Variants in COPA observed in about 807,000 individuals in gnomAD.
COPA encodes the protein coatomer subunit alpha.
Under a neutral mutation model 158.7 loss-of-function variants are expected in COPA, and 10 were observed. The observed-to-expected ratio is 0.06, with a 90% CI of 0.04 to 0.11. The LOEUF is 0.11. COPA is among the 10% of genes least tolerant of loss of function. The pLI is 1.00. For missense variants in COPA, 1,065 were observed against 1,536.7 expected (o/e 0.69, Z 5.13); for synonymous variants, 462 against 542.8 (o/e 0.85, Z 2.07).
At chr1:160,307,322 G>A in intron 13 of COPA, 77 bp from the exon 14 acceptor site, 2 of 1,364,348 alleles carry the variant, frequency 1.5e-6, no homozygotes, top group Non-Finnish European at 1.0e-6. Context: ...CCATGGAGCT[G>A]CCAGTCTTGC....
chr1:160,318,484 A>AC (rs1557870041), intron 8 of COPA, among the ~76,000 whole-genome samples: 5 of 68,212 alleles, frequency 7.3e-5, no homozygotes, highest in South Asian at 5.7e-4. Context: ...AAAAAAAAAA[A>AC]AAAAAAACAA....
At position 160,323,544 on chromosome 1, in the gene COPA, T is replaced by C; in HGVS notation, c.607-14A>G. The C allele has an allele frequency of 6.3e-7, 1 of 1,595,016 alleles. No homozygotes were observed. Among genetic ancestry groups the C allele is most frequent in the Non-Finnish European group, 8.6e-7 (1 of 1,168,262 alleles). Reference sequence around the variant, plus strand: ...ACGATCGTGACCCTGTAGAAAAGAGTGGTTCTTCTAAAACATCTTTATAGT... The same window carrying C: ...ACGATCGTGACCCTGTAGAAAAGAGCGGTTCTTCTAAAACATCTTTATAGT... On this transcript the variant is annotated splice_polypyrimidine_tract_variant and intron_variant, in intron 7 of 32. Transcript: ENST00000241704.
At chr1:160,307,123 A>G (rs1409333851) in intron 14 of COPA, 40 bp downstream of exon 14, 14 of 1,597,168 alleles carry the variant, frequency 8.8e-6, no homozygotes, top group African/African-American at 1.3e-5. Flanking sequence ...CACTGCCACC[A>G]CACTCCCCAA....
At chr1:160,311,799 C>G in intron 11 of COPA, 69 bp downstream of exon 11, 15 of 1,341,872 alleles carry the variant, frequency 1.1e-5, no homozygotes, top group Non-Finnish European at 1.5e-5. Flanking sequence ...AAAGAAGAGT[C>G]TTGTTTGTGG....
At chr1:160,307,306 C>T (rs761109190) in intron 13 of COPA, 61 bp from the exon 14 acceptor site, 199 of 1,523,040 alleles carry the variant, frequency 1.3e-4, no homozygotes, top group Non-Finnish European at 1.7e-4. Flanking sequence ...GTGACATAGT[C>T]GGGTGCCATG....
rs1456963750 is a variant in COPA at position 160,290,001 on chromosome 1, G to A, written c.*156C>T. ...TCAAAAAAGTCAAGTTTAGACCTTC[G>A]GATTTTCCATAGAAGAGAAAAAGAT... is the stretch of plus-strand genomic sequence containing the variant. On this transcript the variant is annotated 3_prime_UTR_variant, in exon 33 of 33. Transcript: ENST00000241704. 6 of 715,856 alleles carry A rather than the reference G, an allele frequency of 8.4e-6. No homozygotes were observed. Among genetic ancestry groups the A allele is most frequent in the East Asian group, 2.6e-5 (1 of 38,150 alleles). The allele number at this position is 715,856 out of a possible 1,614,324, so 44.3% of individuals were successfully genotyped here.
chr1:160,316,367 A>G (rs1040378273), intron 8 of COPA, among the ~76,000 whole-genome samples: 5 of 151,800 alleles, frequency 3.3e-5, no homozygotes, highest in Admixed American at 2.0e-4. Context: ...TGAAAAAAAA[A>G]GAAGTCAGAG....
At chr1:160,333,351 A>G (rs1647617691) in intron 5 of COPA, 6 of 373,346 alleles carry the variant, frequency 1.6e-5, no homozygotes, top group Non-Finnish European at 2.9e-5. Flanking sequence ...ATTGAAAACC[A>G]GCTAAAAGTT....
At position 160,318,497 on chromosome 1, in the gene COPA, A is replaced by C. The variant is rs866939613; in HGVS notation, c.707-4372T>G. Among the ~76,000 whole-genome samples the C allele has an allele frequency of 1.9e-3, 257 of 134,842 alleles. 1 individual carries two copies. Among genetic ancestry groups the C allele is most frequent in the East Asian group, 9.5e-3 (46 of 4,836 alleles). 88.5% of individuals were successfully genotyped at this position (134,842 alleles called of 152,430 possible). A position where few individuals can be genotyped will look rare whatever the true frequency, so the allele number is the denominator to read the frequency against. ...AAAAAAAAAAAAAAAAAAAACAAAA[A>C]AAAAAAAAAAACACTAATGTGCAAA... On this transcript the variant is annotated intron_variant, in intron 8 of 32. Coordinates refer to ENST00000241704, the MANE Select transcript of COPA (RefSeq NM_004371.4).
intron 22 of COPA, 50 bp from the exon 23 acceptor site, chr1:160,295,909 C>T (rs779299118): frequency 1.0e-5 from 16 of 1,582,514 alleles, no homozygotes; most frequent in East Asian, 6.7e-5. Context: ...TTGGAAGTCA[C>T]GTAAGGAAAG....
chr1:160,313,050 T>C lies in COPA; in HGVS notation c.925+35A>G, dbSNP rs57491782. 7,555 of 1,581,942 alleles carry C rather than the reference T, an allele frequency of 4.8e-3. 348 individuals are homozygous for C. The African/African-American group carries it at 0.091, about 19-fold the overall frequency. On this transcript the variant is annotated intron_variant, in intron 10 of 32. Transcript: ENST00000241704. ...ACTTTCAAGACTTATAAACTTTGAA[T>C]TAAGCAAAGAAAAAAGAGAGAAAAT...
In COPA at chr1:160,293,250, A is replaced by G; in HGVS notation, c.2755-16T>C. ...TACACCAGATCTAACAAGAAACAAA[A>G]AAACCCAAGCCAAGTGAAACTTTGT... On this transcript the variant is annotated splice_polypyrimidine_tract_variant and intron_variant, in intron 26 of 32. Transcript: ENST00000241704. 2 of 1,614,122 alleles carry G rather than the reference A, an allele frequency of 1.2e-6. No homozygotes were observed.
chr1:160,339,936 G>C lies in COPA; in HGVS notation c.201C>G (p.Val67=). 1 of 1,614,066 alleles carries C rather than the reference G, an allele frequency of 6.2e-7. No homozygotes were observed. The highest frequency in any genetic ancestry group is 2.2e-5 in the East Asian group (1 of 44,880). The change falls in exon 3 of 33, where the codon GTC becomes GTG. Residue 67 remains valine, a synonymous_variant. Transcript: ENST00000241704. ...IDFHKQQPLF[V]SGGDDYKIKV... is the part of the protein sequence containing the mutation. ...TAATCTTATAGTCATCTCCTCCAGA[G>C]ACGAACAGTGGCTGCTGCTTATGGA...
At chr1:160,309,623 G>A (rs1484908196) in intron 12 of COPA, among the ~76,000 whole-genome samples, 1 of 151,758 alleles carries the variant, frequency 6.6e-6, no homozygotes, top group Non-Finnish European at 1.5e-5. Context: ...AAAACTCAGA[G>A]TATGGGACTA....
intron 2 of COPA, 63 bp downstream of exon 2, chr1:160,340,118 T>G (rs1647968256): frequency 3.3e-6 from 5 of 1,499,830 alleles, no homozygotes; most frequent in Non-Finnish European, 3.7e-6. Context: ...AAACAAGGCT[T>G]AAAATACCCC....
Position 160,291,835 on chromosome 1 carries a change from T to A in COPA, c.3242A>T (p.Gln1081Leu). The change falls in exon 30 of 33, where the codon CAG becomes CTG. Residue 1081 changes from glutamine to leucine, a missense_variant. Transcript: ENST00000241704. ...KKLPKETLEQ[Q>L]KRICEMAAYF... ...AGATCTTACCTCACAGATGCGCTTCTGCTGTTCTAGAGTCTCTTTGGGCAG... is the reference window on the plus strand; with the variant it reads ...AGATCTTACCTCACAGATGCGCTTCAGCTGTTCTAGAGTCTCTTTGGGCAG... 6.2e-7 allele frequency: 1 copy of A among 1,614,178 alleles called. No homozygotes were observed. Among genetic ancestry groups the A allele is most frequent in the East Asian group, 2.2e-5 (1 of 44,890 alleles).
intron 6 of COPA, among the ~76,000 whole-genome samples, 170 bp downstream of exon 6, chr1:160,332,278 C>T (rs74123111): frequency 0.033 from 5,021 of 152,172 alleles, 275 homozygotes; most frequent in African/African-American, 0.12. Flanking sequence ...AGAAGACTTC[C>T]AATATGAAGA....
At chr1:160,290,384 C>T in intron 32 of COPA, 108 bp downstream of exon 32, 1 of 1,424,896 alleles carries the variant, frequency 7.0e-7, no homozygotes, top group Non-Finnish European at 9.6e-7. Flanking sequence ...AGTGTCACTG[C>T]CTCAGGGAGC....
chr1:160,302,329 C>G (rs1450379959), intron 17 of COPA, among the ~76,000 whole-genome samples: 2 of 151,798 alleles, frequency 1.3e-5, no homozygotes, highest in East Asian at 1.9e-4. Flanking sequence ...TAAATCTAAC[C>G]AAAGAAATGC....
Sources: allele counts gnomAD v4.1 joint callset (sites outside exome capture counted in the v4.1 genomes callset), GRCh38; gene constraint gnomAD v4.1.1; transcripts MANE v1.5; gene names NCBI Gene and HGNC (gene_info 2026-07-23, HGNC 2026-07-21).